The following XPC variants were observed in gnomAD, a reference collection of about 807,000 sequenced individuals.
XPC encodes the protein DNA repair protein complementing XP-C cells.
Under a neutral mutation model 95.8 loss-of-function variants are expected in XPC, and 76 were observed. The observed-to-expected ratio is 0.79, with a 90% CI of 0.66 to 0.96. The LOEUF (loss-of-function observed/expected upper bound fraction) is 0.96. Ranked by LOEUF, XPC falls within the 40% of genes least tolerant of loss-of-function variation. XPC has a pLI of 0.00. For missense variants in XPC, 1,146 were observed against 1,179.8 expected, an observed-to-expected ratio of 0.97 and a Z score of 0.42; for synonymous variants, 442 against 442.1, an observed-to-expected ratio of 1.00 and a Z score of 0.00.
At chr3:14,160,760 T>C (rs1279554584) in intron 7 of XPC, among the ~76,000 whole-genome samples, 1 of 152,214 alleles carries the variant, frequency 6.6e-6, no homozygotes, top group Non-Finnish European at 1.5e-5. Context: ...GCTGATGGCA[T>C]TGTACCAGTA....
intron 10 of XPC, among the ~76,000 whole-genome samples, chr3:14,155,155 A>T (rs1423011188): frequency 6.6e-6 from 1 of 152,190 alleles, no homozygotes; most frequent in Non-Finnish European, 1.5e-5. Flanking sequence ...GCTCCAAGAC[A>T]GGGCAGAGCC....
chr3:14,148,911 C>A lies in XPC; in HGVS notation c.2153G>T (p.Arg718Leu), dbSNP rs373308689. 1.9e-6 allele frequency: 3 copies of A among 1,613,986 alleles called. No individual in the cohort carries two copies. The South Asian group carries it at 3.3e-5, about 18-fold the overall frequency. ...TTCCCGCAGCTGGGGCTCAGCAAGT[C>A]GGGCTTTCCGAGCACGGTTAGAAAA... ...KGFSNRARKA[R>L]LAEPQLREEN... is the part of the protein sequence containing the mutation. Residue 718 changes from arginine to leucine, a missense_variant, in exon 12 of 16, where the codon CGA (arginine) becomes CTA (leucine). By Grantham distance (102) the Arg-to-Leu change is moderately radical. Transcript: ENST00000285021.
At chr3:14,160,695 A>G (rs552146007) in intron 7 of XPC, among the ~76,000 whole-genome samples, 1 of 152,386 alleles carries the variant, frequency 6.6e-6, no homozygotes, top group South Asian at 2.1e-4. Flanking sequence ...ATCATGGAAC[A>G]GAAAAAGGAT....
At chr3:14,148,175 G>A in intron 13 of XPC, 174 bp from the exon 14 acceptor site, 1 of 610,858 alleles carries the variant, frequency 1.6e-6, no homozygotes, top group Non-Finnish European at 2.8e-6. Context: ...TGTGGAAGCT[G>A]GCACTGCCTC....
chr3:14,152,278 C>T (rs576264277), intron 11 of XPC, 57 bp downstream of exon 11: 4 of 1,508,612 alleles, frequency 2.7e-6, no homozygotes, highest in East Asian at 2.4e-5. Context: ...CCAGCTCTCC[C>T]GCTCAGCTAC....
In XPC at chr3:14,147,472, T is replaced by C. The variant is rs375271808; in HGVS notation, c.2515-93A>G. ...GAAACTGTGAATGTAAAGACAGATA[T>C]ATACACCACTTTAGAATATAGCCTC... is the stretch of plus-strand genomic sequence containing the variant. On this transcript the variant is annotated intron_variant, in intron 14 of 15. Transcript: ENST00000285021. 1.8e-4 allele frequency: 216 copies of C among 1,202,264 alleles called. 3 individuals are homozygous for C. In the South Asian group the frequency reaches 2.8e-3, roughly 16 times the overall value. 74.5% of individuals were successfully genotyped at this position (1,202,264 alleles called of 1,614,324 possible).
rs574620422 is a variant in XPC, at chr3:14,178,596, G to C, written c.-28C>G. 2 of 1,611,656 alleles carry C rather than the reference G, an allele frequency of 1.2e-6. No individual in the cohort carries two copies. Among genetic ancestry groups the C allele is most frequent in the East Asian group, 2.2e-5 (1 of 44,860 alleles). Reference sequence around the variant, plus strand: ...TGCTTGTCTGGGCAAATTCCACTTCGCGAGTGACGCACCCGGCCGCGATGC... The same window carrying C: ...TGCTTGTCTGGGCAAATTCCACTTCCCGAGTGACGCACCCGGCCGCGATGC... On this transcript the variant is annotated 5_prime_UTR_variant, in exon 1 of 16. Coordinates refer to ENST00000285021, the MANE Select transcript of XPC (RefSeq NM_004628.5).
intron 13 of XPC, chr3:14,148,329 C>T: frequency 1.5e-6 from 1 of 645,980 alleles, no homozygotes; most frequent in Non-Finnish European, 2.6e-6. Flanking sequence ...GTCCCTAAAC[C>T]TGGGAAGAAC....
rs1377654645 is a variant in XPC, at chr3:14,145,599, C to G, written c.*342G>C. On this transcript the variant is annotated 3_prime_UTR_variant, in exon 16 of 16. Transcript: ENST00000285021. ...CAGAAATCTCCCGGTGGCTTCCATA[C>G]AAAAACTGATGTTTCTAAAGATGGA... The G allele has an allele frequency of 1.4e-6, 1 of 699,496 alleles. No individual in the cohort carries two copies. The highest frequency in any genetic ancestry group is 1.5e-5 in the South Asian group (1 of 66,720). 43.3% of individuals were successfully genotyped at this position (699,496 alleles called of 1,614,324 possible).
intron 11 of XPC, chr3:14,151,737 G>A (rs1695700080): frequency 6.6e-6 from 1 of 152,382 alleles, no homozygotes; most frequent in African/African-American, 2.4e-5. Flanking sequence ...TTCCTCAAGA[G>A]CAACCAGCCT....
chr3:14,163,737 G>A (rs1270346596), intron 7 of XPC, among the ~76,000 whole-genome samples: 2 of 152,214 alleles, frequency 1.3e-5, no homozygotes, highest in African/African-American at 4.8e-5. Context: ...CTCTTTAAAA[G>A]CTGTGTGATC....
At chr3:14,168,228 G>A in intron 4 of XPC, 29 bp downstream of exon 4, 5 of 1,587,282 alleles carry the variant, frequency 3.2e-6, no homozygotes, top group Non-Finnish European at 4.3e-6. Flanking sequence ...GCATGTGACA[G>A]GAGCCTAGAA....
In XPC at chr3:14,145,158, G is replaced by A; in HGVS notation, c.*783C>T. On this transcript the variant is annotated 3_prime_UTR_variant, in exon 16 of 16. Transcript: ENST00000285021. ...TATAGAGCCAAATCTTTAGATAAATGCTTTATTATTTTCTCAAAATGTTAT... is the reference window on the plus strand; with the variant it reads ...TATAGAGCCAAATCTTTAGATAAATACTTTATTATTTTCTCAAAATGTTAT... 1 of 505,596 alleles carries A rather than the reference G, an allele frequency of 2.0e-6. No individual in the cohort carries two copies. Among genetic ancestry groups the A allele is most frequent in the Non-Finnish European group, 3.5e-6 (1 of 286,450 alleles). The allele number at this position is 505,596 out of a possible 1,614,324, so 31.3% of individuals were successfully genotyped here. A position where few individuals can be genotyped will look rare whatever the true frequency, so the allele number is the denominator to read the frequency against.
chr3:14,157,468 G>C (rs777270828), intron 9 of XPC, among the ~76,000 whole-genome samples: 18 of 152,136 alleles, frequency 1.2e-4, no homozygotes, highest in Non-Finnish European at 2.4e-4. Flanking sequence ...CTAGGATCAA[G>C]TGACATAGCT....
chr3:14,150,695 C>G (rs1249081248), intron 11 of XPC, among the ~76,000 whole-genome samples: 1 of 152,212 alleles, frequency 6.6e-6, no homozygotes, highest in African/African-American at 2.4e-5. Flanking sequence ...CAGGGTGGAA[C>G]AGGAGCTCAG....
intron 11 of XPC, 58 bp downstream of exon 11, chr3:14,152,277 C>T: frequency 6.6e-7 from 1 of 1,503,818 alleles, no homozygotes; most frequent in Non-Finnish European, 9.1e-7. Flanking sequence ...CCCAGCTCTC[C>T]CGCTCAGCTA....
rs372494494 is a variant in XPC, at chr3:14,164,854, A to G, written c.859T>C (p.Phe287Leu). The change falls in exon 7 of 16, where the codon TTT becomes CTT. Residue 287 changes from phenylalanine to leucine, a missense_variant. Transcript: ENST00000285021. ...TCATCTCGAGCAGAGTAAATAGCAA[A>G]TCTCCTTTCCAATGTAGTCTGCAGG... is the stretch of plus-strand genomic sequence containing the variant. ...DNLQTTLERRFAIYSARDDEE... is the reference protein window; with the variant it reads ...DNLQTTLERRLAIYSARDDEE... 4.3e-6 allele frequency: 7 copies of G among 1,613,114 alleles called. No individual in the cohort carries two copies. The highest frequency in any genetic ancestry group is 1.6e-4 in the Middle Eastern group (1 of 6,080).
chr3:14,178,111 A>G (rs1227429647), intron 1 of XPC, among the ~76,000 whole-genome samples: 1 of 152,260 alleles, frequency 6.6e-6, no homozygotes, highest in Admixed American at 6.5e-5. Flanking sequence ...TTCGGGAGTC[A>G]GCACACTGCA....
chr3:14,174,554 A>G (rs1696736928), intron 1 of XPC, among the ~76,000 whole-genome samples: 1 of 152,216 alleles, frequency 6.6e-6, no homozygotes, highest in Non-Finnish European at 1.5e-5. Context: ...GGAAAGGGGG[A>G]TAAAGGAAAC....
Sources: allele counts gnomAD v4.1 joint callset (sites outside exome capture counted in the v4.1 genomes callset), GRCh38; gene constraint gnomAD v4.1.1; transcripts MANE v1.5; gene names NCBI Gene and HGNC (gene_info 2026-07-23, HGNC 2026-07-21).